The following CRACR2A variants were observed in gnomAD, a reference collection of about 807,000 sequenced individuals.
The protein encoded by CRACR2A is calcium release activated channel regulator 2A.
In CRACR2A, 79 loss-of-function variants were observed where a neutral mutation model predicts 90.5. The ratio of observed to expected loss-of-function variants is 0.87; its 90% CI spans 0.73 to 1.05. CRACR2A has a LOEUF of 1.05. Among genes scored for constraint, CRACR2A ranks in the 50% least tolerant of loss-of-function variants. The pLI is 0.00. For missense variants in CRACR2A, 823 were observed against 897.2 expected, an observed-to-expected ratio of 0.92 and a Z score of 1.06; for synonymous variants, 338 against 356.7, an observed-to-expected ratio of 0.95 and a Z score of 0.59.
At chr12:3,687,024 C>T (rs1945569818) in intron 4 of CRACR2A, among the ~76,000 whole-genome samples, 1 of 152,048 alleles carries the variant, frequency 6.6e-6, no homozygotes, top group East Asian at 1.9e-4. Flanking sequence ...CCCTGTGGTC[C>T]CTGCTCTATC....
chr12:3,669,642 G>A (rs1251213632), intron 7 of CRACR2A, among the ~76,000 whole-genome samples: 1 of 152,200 alleles, frequency 6.6e-6, no homozygotes, highest in Non-Finnish European at 1.5e-5. Context: ...AGGACTCTGG[G>A]TTGTTTCTAA....
At chr12:3,685,608 C>T (rs954970800) in intron 4 of CRACR2A, among the ~76,000 whole-genome samples, 1 of 152,178 alleles carries the variant, frequency 6.6e-6, no homozygotes, top group Admixed American at 6.5e-5. Context: ...GGACATTATA[C>T]TAAGTGAAAT....
chr12:3,664,794 G>GCCTC (rs1468388800), intron 7 of CRACR2A, among the ~76,000 whole-genome samples: 95 of 152,290 alleles, frequency 6.2e-4, no homozygotes, highest in African/African-American at 2.2e-3. Context: ...ATCACCTGAG[G>GCCTC]TCAGGAGTTC....
At chr12:3,696,750 G>A (rs1213912297) in intron 4 of CRACR2A, 22 bp downstream of exon 4, 1 of 1,613,864 alleles carries the variant, frequency 6.2e-7, no homozygotes. Context: ...CAGTGGGCAG[G>A]CCTACCTGGG....
chr12:3,662,636 G>A (rs2137516919), intron 7 of CRACR2A, among the ~76,000 whole-genome samples: 1 of 152,318 alleles, frequency 6.6e-6, no homozygotes, highest in East Asian at 1.9e-4. Flanking sequence ...TGCTGGGTTT[G>A]GAAAGGCTGA....
intron 1 of CRACR2A, chr12:3,752,725 G>T (rs1365634145): frequency 6.5e-6 from 1 of 152,782 alleles, no homozygotes; most frequent in Non-Finnish European, 1.5e-5. Flanking sequence ...GAAGAGGCTG[G>T]ATGAGGCTGG....
At position 3,747,920 on chromosome 12, in the gene CRACR2A, G is replaced by A. The variant is rs183747370; in HGVS notation, c.-387+5095C>T. 1.6e-4 allele frequency among the ~76,000 whole-genome samples: 23 copies of A among 148,234 alleles called. No individual in the cohort carries two copies. The East Asian group carries it at 3.9e-3, about 25-fold the overall frequency. On this transcript the variant is annotated intron_variant, in intron 1 of 19. Coordinates refer to ENST00000440314, the MANE Select transcript of CRACR2A (RefSeq NM_001144958.2). ...GGCACAGAGTTCCACAGGCTCAGGG[G>A]TACACCCAGAAGGGCACAGAGCTCC...
intron 1 of CRACR2A, among the ~76,000 whole-genome samples, chr12:3,733,834 A>T (rs1946397507): frequency 6.7e-6 from 1 of 148,770 alleles, no homozygotes; most frequent in African/African-American, 2.5e-5. Flanking sequence ...CTAGAATCCA[A>T]TCCCACTATC....
chr12:3,648,073 T>C, intron 11 of CRACR2A: 1 of 994,674 alleles, frequency 1.0e-6, no homozygotes, highest in Non-Finnish European at 1.2e-6. Flanking sequence ...GGATTTCCAT[T>C]CTGGCCCCAT....
intron 7 of CRACR2A, among the ~76,000 whole-genome samples, chr12:3,662,201 G>T (rs1403501169): frequency 6.6e-6 from 1 of 152,190 alleles, no homozygotes; most frequent in Non-Finnish European, 1.5e-5. Flanking sequence ...ATATATGGAA[G>T]CAAGCTTTTG....
At chr12:3,650,345 T>G (rs1223288542) in intron 10 of CRACR2A, among the ~76,000 whole-genome samples, 6 of 152,224 alleles carry the variant, frequency 3.9e-5, no homozygotes, top group Admixed American at 3.9e-4. Flanking sequence ...ATTGCAAAGT[T>G]AATTTACAGC....
chr12:3,644,689 C>G, intron 11 of CRACR2A, 49 bp from the exon 12 acceptor site: 1 of 1,529,958 alleles, frequency 6.5e-7, no homozygotes, highest in Non-Finnish European at 8.9e-7. Context: ...TTGCAGTTGA[C>G]AGATCCAACG....
At chr12:3,726,437 G>A (rs1946265943) in intron 2 of CRACR2A, 1 of 152,036 alleles carries the variant, frequency 6.6e-6, no homozygotes, top group African/African-American at 2.4e-5. Flanking sequence ...ACCTATAATG[G>A]TTAAGTTTAG....
chr12:3,717,660 T>A (rs559213773), intron 2 of CRACR2A, among the ~76,000 whole-genome samples: 13 of 152,246 alleles, frequency 8.5e-5, no homozygotes, highest in Non-Finnish European at 1.9e-4. Context: ...TATGAGTCAC[T>A]ATCTTATTTG....
chr12:3,667,284 T>A (rs2137544645), intron 7 of CRACR2A, among the ~76,000 whole-genome samples: 1 of 152,332 alleles, frequency 6.6e-6, no homozygotes. Flanking sequence ...TCCATTCACA[T>A]CACTACGATG....
chr12:3,703,822 G>T (rs1368243415), intron 3 of CRACR2A, among the ~76,000 whole-genome samples: 3 of 152,108 alleles, frequency 2.0e-5, no homozygotes, highest in Admixed American at 6.5e-5. Context: ...TACATAAAAA[G>T]ATATTCACCC....
In CRACR2A at chr12:3,652,814, C is replaced by A. The variant is rs117278229; in HGVS notation, c.1046+1398G>T. On this transcript the variant is annotated intron_variant, in intron 10 of 19. Transcript: ENST00000440314. ...TGAATGAAGAGTGCATAAACGAATG[C>A]GTGAGTAAATGATAGCAAGTCCAAC... Among the ~76,000 whole-genome samples, 463 of 152,176 alleles carry A rather than the reference C, an allele frequency of 3.0e-3. 3 individuals are homozygous for A. The highest frequency in any genetic ancestry group is 0.01 in the African/African-American group (416 of 41,478).
intron 7 of CRACR2A, among the ~76,000 whole-genome samples, chr12:3,672,407 T>C (rs1485842985): frequency 6.6e-6 from 1 of 152,194 alleles, no homozygotes; most frequent in African/African-American, 2.4e-5. Flanking sequence ...TGGAACTGCA[T>C]AGCCAAGGGA....
In CRACR2A at chr12:3,638,395, C is replaced by T; in HGVS notation, c.1331G>A (p.Ser444Asn). The change falls in exon 14 of 20, where the codon AGT becomes AAT. Residue 444 changes from serine (S) to asparagine (N), a missense_variant. Ser to Asn is a conservative substitution (Grantham distance 46, BLOSUM62 1). Coordinates refer to ENST00000440314, the MANE Select transcript of CRACR2A (RefSeq NM_001144958.2). ...GIPRRSSLGL[S>N]GYPLTEEEPG... Reference sequence around the variant, plus strand: ...CTCCTCTTCTGTTAGGGGATATCCACTCAGGCCCAGGGAGCTTCTCCTTGG... The same window carrying T: ...CTCCTCTTCTGTTAGGGGATATCCATTCAGGCCCAGGGAGCTTCTCCTTGG... 6.4e-7 allele frequency: 1 copy of T among 1,551,588 alleles called. No homozygotes were observed. The highest frequency in any genetic ancestry group is 8.7e-7 in the Non-Finnish European group (1 of 1,146,902).
Sources: gnomAD v4.1 joint callset for allele counts (sites outside exome capture counted in the v4.1 genomes callset) on GRCh38, gnomAD v4.1.1 for gene constraint, MANE v1.5 for transcripts, NCBI Gene and HGNC (gene_info 2026-07-23, HGNC 2026-07-21) for gene names.